CLTC: variants seen among roughly 807,000 people sequenced by gnomAD.
CLTC encodes the protein clathrin heavy chain.
CLTC carries 16 observed loss-of-function variants against 195.8 expected under a neutral mutation model. The ratio of observed to expected loss-of-function variants is 0.08; its 90% confidence interval spans 0.06 to 0.12. The LOEUF (loss-of-function observed/expected upper bound fraction) is 0.12, where lower values mean the gene tolerates loss of function less well. Among genes scored for constraint, CLTC ranks in the 10% least tolerant of loss-of-function variants. The pLI is 1.00. For synonymous variants in CLTC, 667 were observed against 689.4 expected (o/e 0.97, Z 0.51); for missense variants, 796 against 2,027.0 (o/e 0.39, Z 11.66).
chr17:59,660,532 C>G lies in CLTC; in HGVS notation c.1111C>G (p.Leu371Val). The G allele has an allele frequency of 6.2e-7, 1 of 1,614,112 alleles. No individual in the cohort carries two copies. The highest frequency in any genetic ancestry group is 8.5e-7 in the Non-Finnish European group (1 of 1,180,020). ...EELFARKFNALFAQGNYSEAA... is the reference protein window; with the variant it reads ...EELFARKFNAVFAQGNYSEAA... ...ACTCTTTGCCCGGAAATTTAATGCT[C>G]TTTTTGCCCAGGGAAATTACTCGGA... The change falls in exon 7 of 32, where the codon CTT becomes GTT. Residue 371 changes from leucine to valine, a missense_variant. By Grantham distance (32) the Leu-to-Val change is conservative. Around this residue, in one of 9 missense-constraint regions of CLTC, gnomAD observed 293 missense variants for 795.6 expected, o/e 0.37. Coordinates refer to ENST00000269122, the MANE Select transcript of CLTC (RefSeq NM_004859.4).
At position 59,682,610 on chromosome 17, in the gene CLTC, G is replaced by A. The variant is rs745442379; in HGVS notation, c.3601-19G>A. The A allele has an allele frequency of 1.6e-5, 25 of 1,612,320 alleles. No individual in the cohort carries two copies. Among genetic ancestry groups the A allele is most frequent in the Non-Finnish European group, 2.0e-5 (23 of 1,178,714 alleles). ...CACACTAATATCTTGCTGAATGTGG[G>A]TTACCTTTTTTTTTCCAGGTTGGTG... is the stretch of plus-strand genomic sequence containing the variant. On this transcript the variant is annotated intron_variant, in intron 22 of 31. Coordinates refer to ENST00000269122, the MANE Select transcript of CLTC (RefSeq NM_004859.4). This position sits in a 1 kb window ranked among gnomAD's most constrained non-coding sequence, Gnocchi z 6.8.
chr17:59,665,038 A>G, intron 10 of CLTC, 129 bp downstream of exon 10: 8 of 1,215,730 alleles, frequency 6.6e-6, no homozygotes, highest in South Asian at 1.5e-5. Flanking sequence ...CAGTCTGGGC[A>G]ACATTGTGAG....
rs140060008 is a variant in CLTC, at chr17:59,651,654, A to G, written c.795+338A>G. On this transcript the variant is annotated intron_variant, in intron 5 of 31. Transcript: ENST00000269122. Reference sequence around the variant, plus strand: ...AAATAGCATTGTCTAGAAAAACAGTATACATACTGTAATTTAAAAATACTT... The same window carrying G: ...AAATAGCATTGTCTAGAAAAACAGTGTACATACTGTAATTTAAAAATACTT... Among the ~76,000 whole-genome samples the G allele has an allele frequency of 1.6e-3, 244 of 152,360 alleles. 2 individuals carry two copies. Among genetic ancestry groups the G allele is most frequent in the African/African-American group, 5.4e-3 (224 of 41,588 alleles).
At chr17:59,673,499 C>T in intron 14 of CLTC, 148 bp from the exon 15 acceptor site, 1 of 597,496 alleles carries the variant, frequency 1.7e-6, no homozygotes, top group Non-Finnish European at 2.9e-6. Flanking sequence ...GATGTACACA[C>T]TCAACTATTG....
intron 5 of CLTC, 70 bp downstream of exon 5, chr17:59,651,386 C>A (rs1567946079): frequency 1.0e-6 from 1 of 996,070 alleles, no homozygotes; most frequent in South Asian, 1.4e-5. Flanking sequence ...AAAGACTATT[C>A]ATGGTAGATA....
Position 59,663,911 on chromosome 17 carries a change from C to T in CLTC, c.1438C>T (p.Leu480=), listed in dbSNP as rs1281907324. 6.2e-7 allele frequency: 1 copy of T among 1,613,774 alleles called. No individual in the cohort carries two copies. Among genetic ancestry groups the T allele is most frequent in the Admixed American group, 1.7e-5 (1 of 59,992 alleles). ...CCCTACATTGGCACTTAGTGTGTACCTAAGGGCTAACGTCCCAAATAAAGT... is the reference window on the plus strand; with the variant it reads ...CCCTACATTGGCACTTAGTGTGTACTTAAGGGCTAACGTCCCAAATAAAGT... ...VDPTLALSVY[L]RANVPNKVIQ... is the part of the protein sequence containing the mutation. The change falls in exon 9 of 32, where the codon CTA becomes TTA. Residue 480 remains leucine (L), a synonymous_variant. Transcript: ENST00000269122.
chr17:59,666,935 C>A lies in CLTC; in HGVS notation c.2086C>A (p.Gln696Lys), dbSNP rs1278436469. The A allele has an allele frequency of 6.2e-7, 1 of 1,613,796 alleles. No individual in the cohort carries two copies. The highest frequency in any genetic ancestry group is 8.5e-7 in the Non-Finnish European group (1 of 1,179,868). ...ASKYHEQLST[Q>K]SLIELFESFK... ...TAAATATCATGAACAACTGTCAACT[C>A]AGTCTCTGATTGAACTTTTTGAATC... The change falls in exon 13 of 32, where the codon CAG becomes AAG. Residue 696 changes from glutamine to lysine, a missense_variant. This residue lies in a region of CLTC where 19 missense variants were observed against 35.7 expected (regional missense o/e 0.53). Transcript: ENST00000269122. This position sits in a 1 kb window ranked among gnomAD's most constrained non-coding sequence, Gnocchi z 4.9.
In CLTC at chr17:59,647,579, C is replaced by T; in HGVS notation, c.432C>T (p.Arg144=). 2 of 1,614,072 alleles carry T rather than the reference C, an allele frequency of 1.2e-6. No individual in the cohort carries two copies. The highest frequency in any genetic ancestry group is 1.7e-6 in the Non-Finnish European group (2 of 1,179,980). ...CTCAGCCAGTGAAAATGTTTGATCG[C>T]CATTCTAGCCTTGCAGGGTGCCAGA... The part of the protein sequence containing the change: ...GESQPVKMFD[R]HSSLAGCQII... Residue 144 remains arginine, a synonymous_variant, in exon 3 of 32, where the codon CGC becomes CGT. Transcript: ENST00000269122.
intron 8 of CLTC, 114 bp from the exon 9 acceptor site, chr17:59,663,728 C>A: frequency 1.3e-6 from 1 of 795,188 alleles, no homozygotes; most frequent in Non-Finnish European, 2.0e-6. Context: ...ATAATATATT[C>A]TGTGAAACTA....
intron 1 of CLTC, among the ~76,000 whole-genome samples, chr17:59,643,838 G>T (rs1467710700): frequency 6.6e-6 from 1 of 152,160 alleles, no homozygotes; most frequent in African/African-American, 2.4e-5. Context: ...TTTAGATCAA[G>T]AATTCTGTGA....
At chr17:59,657,298 A>AC (rs1206971630) in intron 6 of CLTC, among the ~76,000 whole-genome samples, 2 of 152,084 alleles carry the variant, frequency 1.3e-5, no homozygotes, top group Non-Finnish European at 2.9e-5. Flanking sequence ...TCCTCATAAC[A>AC]TTTACCATAC....
intron 1 of CLTC, among the ~76,000 whole-genome samples, chr17:59,635,892 A>C (rs2031845429): frequency 6.6e-6 from 1 of 152,200 alleles, no homozygotes; most frequent in Non-Finnish European, 1.5e-5. Flanking sequence ...CAGTAGCATG[A>C]TGCTAAAACC....
chr17:59,637,095 A>G (rs1422447635), intron 1 of CLTC, among the ~76,000 whole-genome samples: 2 of 151,722 alleles, frequency 1.3e-5, no homozygotes. Flanking sequence ...ACATTTTCTT[A>G]TAATCATAAT....
At chr17:59,684,546 C>CT (rs1205989028) in intron 28 of CLTC, 2 of 154,480 alleles carry the variant, frequency 1.3e-5, no homozygotes, top group African/African-American at 4.8e-5. Context: ...TGACTCACGC[C>CT]TGTAATCCCA....
chr17:59,692,780 G>A (rs552742979), intron 31 of CLTC, among the ~76,000 whole-genome samples: 1 of 152,110 alleles, frequency 6.6e-6, no homozygotes, highest in Non-Finnish European at 1.5e-5. Flanking sequence ...GGGATTATAA[G>A]CATGCACCAC....
rs1206801034 is a variant in CLTC at position 59,666,561 on chromosome 17, C to G, written c.1864C>G (p.Leu622Val). The G allele has an allele frequency of 6.2e-7, 1 of 1,613,968 alleles. No individual in the cohort carries two copies. Residue 622 changes from leucine to valine, a missense_variant, in exon 12 of 32, where the codon CTA (leucine) becomes GTA (valine). Leu to Val is a conservative substitution (Grantham distance 32). Around this residue, in one of 9 missense-constraint regions of CLTC, gnomAD observed 293 missense variants for 795.6 expected, o/e 0.37. Transcript: ENST00000269122. The surrounding 1 kb of genome is among the most constrained non-coding windows in gnomAD (Gnocchi z 4.9). ...HIAQLCEKAG[L>V]LQRALEHFTD... Reference sequence around the variant, plus strand: ...TGCTCAACTGTGTGAAAAGGCTGGCCTACTGCAGCGTGCATTAGAACATTT... The same window carrying G: ...TGCTCAACTGTGTGAAAAGGCTGGCGTACTGCAGCGTGCATTAGAACATTT...
chr17:59,682,235 AG>A lies in CLTC; in HGVS notation c.3443-35del. 2 of 1,572,764 alleles carry A rather than the reference AG, an allele frequency of 1.3e-6. No homozygotes were observed. Among genetic ancestry groups the A allele is most frequent in the Non-Finnish European group, 1.7e-6 (2 of 1,153,368 alleles). On this transcript the variant is annotated intron_variant, in intron 21 of 31. Coordinates refer to ENST00000269122, the MANE Select transcript of CLTC (RefSeq NM_004859.4). The surrounding 1 kb of genome is among the most constrained non-coding windows in gnomAD (Gnocchi z 6.8). ...TGGGTGAAAGATAAACTAGGATGTT[AG>A]TGTTTGGATATATTTTTTCTTTTTC...
At chr17:59,672,721 A>G (rs1302079692) in intron 14 of CLTC, among the ~76,000 whole-genome samples, 1 of 152,278 alleles carries the variant, frequency 6.6e-6, no homozygotes, top group East Asian at 1.9e-4. Context: ...ATTATTTATA[A>G]TCGAGTAACT....
chr17:59,684,680 C>T (rs946685975), intron 28 of CLTC, among the ~76,000 whole-genome samples: 1 of 152,030 alleles, frequency 6.6e-6, no homozygotes, highest in Admixed American at 6.6e-5. Flanking sequence ...GTGGCACGTG[C>T]CTGTAGTAGC....
Sources: gnomAD v4.1 joint callset for allele counts (sites outside exome capture counted in the v4.1 genomes callset) on GRCh38, gnomAD v4.1.1 for gene constraint, gnomAD v4.1.1 regional missense constraint, Gnocchi (gnomAD v3.1) non-coding constraint, MANE v1.5 for transcripts, NCBI Gene and HGNC (gene_info 2026-07-23, HGNC 2026-07-21) for gene names.